Variants in SPATS1 observed in about 807,000 individuals in gnomAD.
SPATS1 encodes the protein spermatogenesis-associated serine-rich protein 1.
Under a neutral mutation model 33.6 loss-of-function variants are expected in SPATS1, and 23 were observed. The ratio of observed to expected loss-of-function variants is 0.68; its 90% CI spans 0.49 to 0.97. The LOEUF (loss-of-function observed/expected upper bound fraction) is 0.97. SPATS1 is among the 50% of genes least tolerant of loss of function. SPATS1 has a pLI of 0.00. For synonymous variants in SPATS1, 131 were observed against 125.6 expected, an observed-to-expected ratio of 1.04 and a Z score of -0.29; for missense variants, 327 against 361.0, an observed-to-expected ratio of 0.91 and a Z score of 0.76.
intron 2 of SPATS1, among the ~76,000 whole-genome samples, chr6:44,352,257 A>G (rs1292709928): frequency 1.3e-5 from 2 of 152,008 alleles, no homozygotes; most frequent in African/African-American, 4.8e-5. Context: ...CAGCCTCCCA[A>G]ATAGCTGGGA....
At chr6:44,362,065 A>G (rs923766362) in intron 5 of SPATS1, 73 bp downstream of exon 5, 1 of 1,581,708 alleles carries the variant, frequency 6.3e-7, no homozygotes, top group African/African-American at 1.3e-5. Context: ...TAGGCCCTGC[A>G]TTCTGTAGCT....
At chr6:44,371,534 C>T (rs1241067890) in intron 7 of SPATS1, among the ~76,000 whole-genome samples, 3 of 152,188 alleles carry the variant, frequency 2.0e-5, no homozygotes, top group Non-Finnish European at 2.9e-5. Context: ...TTAGTCCTAT[C>T]CAGTGATTAT....
At chr6:44,348,008 AT>A (rs1215084247) in intron 2 of SPATS1, among the ~76,000 whole-genome samples, 7 of 148,142 alleles carry the variant, frequency 4.7e-5, no homozygotes, top group Non-Finnish European at 1.0e-4. Context: ...TATTATTATT[AT>A]TTTTGTTTTT....
At position 44,378,017 on chromosome 6, in the gene SPATS1, A is replaced by C. The variant is rs1039201605; in HGVS notation, c.*954A>C. On this transcript the variant is annotated 3_prime_UTR_variant, in exon 9 of 9. Transcript: ENST00000674044. The stretch of plus-strand genomic sequence containing the variant: ...TTAATACCTTTTGGAATGTTTCTCT[A>C]ATGTTAACTTGGTACATGTCAGAAA... The C allele has an allele frequency of 2.6e-5, 4 of 152,154 alleles. No homozygotes were observed. Among genetic ancestry groups the C allele is most frequent in the Non-Finnish European group, 5.9e-5 (4 of 68,026 alleles). 9.4% of individuals were successfully genotyped at this position (152,154 alleles called of 1,614,324 possible).
At chr6:44,348,483 A>C (rs1310137287) in intron 2 of SPATS1, among the ~76,000 whole-genome samples, 1 of 151,802 alleles carries the variant, frequency 6.6e-6, no homozygotes, top group Non-Finnish European at 1.5e-5. Flanking sequence ...TAAATTGACA[A>C]CTTGGCTCAT....
rs1561952748 is a variant in SPATS1 at position 44,343,123 on chromosome 6, A to C, written c.28A>C (p.Ser10Arg). MSPSMLTGN[S>R]PRGCRLPSIS... Reference sequence around the variant, plus strand: ...GAGTCCATCCATGCTCACTGGAAACAGTCCACGGGGCTGCCGTCTCCCCTC... The same window carrying C: ...GAGTCCATCCATGCTCACTGGAAACCGTCCACGGGGCTGCCGTCTCCCCTC... The change falls in exon 2 of 9, where the codon AGT becomes CGT. Residue 10 changes from serine (S) to arginine (R), a missense_variant. Ser to Arg is a moderately radical substitution (Grantham distance 110). Transcript: ENST00000674044. 6.2e-7 allele frequency: 1 copy of C among 1,614,178 alleles called. No individual in the cohort carries two copies.
In SPATS1 at chr6:44,347,168, G is replaced by A. The variant is rs76401381; in HGVS notation, c.139+3934G>A. Among the ~76,000 whole-genome samples the A allele has an allele frequency of 7.8e-4, 118 of 152,210 alleles. 1 individual carries two copies. Among genetic ancestry groups the A allele is most frequent in the Non-Finnish European group, 1.2e-3 (85 of 68,022 alleles). ...ATGTTCTTACTTATAAGTGGGAGTT[G>A]AACAATGAGAACACATGGACACAGG... On this transcript the variant is annotated intron_variant, in intron 2 of 8. Transcript: ENST00000674044.
chr6:44,362,123 GACAGAAAAGTGA>G, intron 5 of SPATS1, 131 bp downstream of exon 5: 1 of 1,164,356 alleles, frequency 8.6e-7, no homozygotes, highest in Non-Finnish European at 1.2e-6. Flanking sequence ...CAGCCAGGAA[GACAGAAAAGTGA>G]AGGGGACAGT....
chr6:44,373,119 C>CA (rs1402738320), intron 7 of SPATS1, among the ~76,000 whole-genome samples: 2 of 152,186 alleles, frequency 1.3e-5, no homozygotes. Context: ...TTCTTACTTT[C>CA]ATTTTTTTGT....
rs1583099435 is a variant in SPATS1 at position 44,377,362 on chromosome 6, T to G, written c.*299T>G. 2.1e-6 allele frequency: 1 copy of G among 472,284 alleles called. No homozygotes were observed. Among genetic ancestry groups the G allele is most frequent in the Middle Eastern group, 6.1e-4 (1 of 1,630 alleles). The allele number at this position is 472,284 out of a possible 1,614,324, so 29.3% of individuals were successfully genotyped here. A position where few individuals can be genotyped will look rare whatever the true frequency, so the allele number is the denominator to read the frequency against. The stretch of plus-strand genomic sequence containing the variant: ...TTTTGCTGAACTCTTTGAGAGTGAG[T>G]GGCAGATATTGTAACCCTTTACACC... On this transcript the variant is annotated 3_prime_UTR_variant, in exon 9 of 9. Transcript: ENST00000674044.
chr6:44,358,760 T>C (rs572583348), intron 3 of SPATS1, among the ~76,000 whole-genome samples: 1 of 152,312 alleles, frequency 6.6e-6, no homozygotes, highest in South Asian at 2.1e-4. Context: ...ATTAATCTAC[T>C]TTTGTCTGTA....
At chr6:44,355,116 T>C (rs1258303737) in intron 3 of SPATS1, among the ~76,000 whole-genome samples, 1 of 152,206 alleles carries the variant, frequency 6.6e-6, no homozygotes, top group Non-Finnish European at 1.5e-5. Flanking sequence ...CCCAGCACAT[T>C]ATGGTTTCAC....
At chr6:44,345,987 T>C (rs1438878362) in intron 2 of SPATS1, among the ~76,000 whole-genome samples, 1 of 152,110 alleles carries the variant, frequency 6.6e-6, no homozygotes. Context: ...TAAATTCGGT[T>C]CTTCAATTAT....
At chr6:44,353,393 T>G (rs1324559897) in intron 3 of SPATS1, among the ~76,000 whole-genome samples, 1 of 152,132 alleles carries the variant, frequency 6.6e-6, no homozygotes, top group African/African-American at 2.4e-5. Context: ...TTGTTTCTTT[T>G]GTTTGGATAG....
chr6:44,360,357 A>G (rs1788837958), intron 3 of SPATS1, 89 bp from the exon 4 acceptor site: 1 of 1,547,950 alleles, frequency 6.5e-7, no homozygotes, highest in Non-Finnish European at 8.8e-7. Flanking sequence ...AGTTCTCATA[A>G]GCGAGGGCAA....
In SPATS1 at chr6:44,377,123, T is replaced by C. The variant is rs1790012728; in HGVS notation, c.*60T>C. The C allele has an allele frequency of 1.2e-6, 2 of 1,600,122 alleles. No individual in the cohort carries two copies. Among genetic ancestry groups the C allele is most frequent in the South Asian group, 1.1e-5 (1 of 90,764 alleles). On this transcript the variant is annotated 3_prime_UTR_variant, in exon 9 of 9. Coordinates refer to ENST00000674044, the MANE Select transcript of SPATS1 (RefSeq NM_001372081.1). ...ACTCTGGCGACCCTTTTCCAGTTGA[T>C]GTTTTTTGTCATGTGACTGTTCTAA...
In SPATS1 at chr6:44,369,143, G is replaced by A. The variant is rs746482480; in HGVS notation, c.695+644G>A. On this transcript the variant is annotated intron_variant, in intron 6 of 8. Transcript: ENST00000674044. ...GATCTCCTGACCTCGTGATCCGCCC[G>A]CCTTGGCCTCCCAAAGTGCTGGGTA... Among the ~76,000 whole-genome samples, 28 of 152,118 alleles carry A rather than the reference G, an allele frequency of 1.8e-4. 1 individual carries two copies. Among genetic ancestry groups the A allele is most frequent in the East Asian group, 9.7e-4 (5 of 5,158 alleles).
rs1561954963 is a variant in SPATS1, at chr6:44,351,199, T to C, written c.140-1527T>C. On this transcript the variant is annotated intron_variant, in intron 2 of 8. Coordinates refer to ENST00000674044, the MANE Select transcript of SPATS1 (RefSeq NM_001372081.1). ...AACAAAAATAATACAAATAAGTATA[T>C]AACAACTATTTACATAGCATTTGCA... is the stretch of plus-strand genomic sequence containing the variant. Among the ~76,000 whole-genome samples the C allele has an allele frequency of 4.7e-5, 7 of 150,074 alleles. No individual in the cohort carries two copies. The South Asian group carries it at 1.5e-3, about 32-fold the overall frequency.
At chr6:44,362,576 C>A (rs1788986956) in intron 5 of SPATS1, among the ~76,000 whole-genome samples, 1 of 152,178 alleles carries the variant, frequency 6.6e-6, no homozygotes, top group African/African-American at 2.4e-5. Flanking sequence ...CCATTTATGA[C>A]ACATTTTTCT....
Sources: allele counts gnomAD v4.1 joint callset (sites outside exome capture counted in the v4.1 genomes callset), GRCh38; gene constraint gnomAD v4.1.1; transcripts MANE v1.5; gene names NCBI Gene and HGNC (gene_info 2026-07-23, HGNC 2026-07-21).